WDR89: variants seen among roughly 807,000 people sequenced by gnomAD.
WDR89 encodes the protein WD repeat domain 89, also known as WD repeat-containing protein 89.
In WDR89, 17 loss-of-function variants were observed where a neutral mutation model predicts 29.1. The ratio of observed to expected loss-of-function variants is 0.58; its 90% confidence interval spans 0.40 to 0.88. The LOEUF is 0.88. Ranked by LOEUF, WDR89 falls within the 40% of genes least tolerant of loss-of-function variation. The probability of loss-of-function intolerance (pLI) is 0.00; values close to 1 mark genes in which losing one functional copy is unlikely to be tolerated. For missense variants in WDR89, 396 were observed against 456.3 expected, an observed-to-expected ratio of 0.87 and a Z score of 1.20; for synonymous variants, 138 against 157.8, an observed-to-expected ratio of 0.87 and a Z score of 0.94.
intron 2 of WDR89, among the ~76,000 whole-genome samples, chr14:63,608,104 G>A (rs1023948964): frequency 5.3e-5 from 8 of 152,154 alleles, no homozygotes; most frequent in African/African-American, 1.9e-4. Flanking sequence ...TACTCGGGAG[G>A]CTGAGGCAGA....
chr14:63,630,911 G>A (rs1883358414), intron 1 of WDR89: 3 of 151,938 alleles, frequency 2.0e-5, no homozygotes. Context: ...GAGTACCTGG[G>A]ACTACAGGTG....
rs1226820529 is a variant in WDR89 at position 63,627,146 on chromosome 14, A to ACTCTCTCTCT, written c.-137-2114_-137-2113insAGAGAGAGAG. ...TAAACACACACACACACACACACACACACACTCTCTCTCTCTCTCTCTCTC... is the reference window on the plus strand; with the variant it reads ...TAAACACACACACACACACACACACACTCTCTCTCTCACACTCTCTCTCTCTCTCTCTCTC... On this transcript the variant is annotated intron_variant, in intron 1 of 2. Transcript: ENST00000620954. Among the ~76,000 whole-genome samples the ACTCTCTCTCT allele has an allele frequency of 6.7e-4, 88 of 130,560 alleles. 1 individual carries two copies. Among genetic ancestry groups the ACTCTCTCTCT allele is most frequent in the African/African-American group, 2.6e-3 (85 of 32,566 alleles). 85.7% of individuals were successfully genotyped at this position (130,560 alleles called of 152,430 possible).
intron 2 of WDR89, among the ~76,000 whole-genome samples, chr14:63,624,236 G>A (rs988879578): frequency 1.1e-4 from 16 of 152,062 alleles, no homozygotes; most frequent in Admixed American, 9.8e-4. Flanking sequence ...GGGAGGCCTG[G>A]GAGGTGGATG....
At chr14:63,635,563 G>A (rs1050379294) in intron 1 of WDR89, among the ~76,000 whole-genome samples, 14 of 152,112 alleles carry the variant, frequency 9.2e-5, no homozygotes, top group African/African-American at 3.4e-4. Context: ...TCTGAGAACT[G>A]GAACAAGACA....
intron 2 of WDR89, among the ~76,000 whole-genome samples, chr14:63,612,848 T>A (rs1228309024): frequency 6.6e-6 from 1 of 152,120 alleles, no homozygotes; most frequent in African/African-American, 2.4e-5. Context: ...TATTTTCTAA[T>A]GTCTCCAGGC....
rs1468598295 is a variant in WDR89 at position 63,598,792 on chromosome 14, C to T, written c.1151G>A (p.Arg384Lys). The T allele has an allele frequency of 7.6e-6, 12 of 1,579,296 alleles. No individual in the cohort carries two copies. The Admixed American group carries it at 1.5e-4, about 20-fold the overall frequency. ...RVHSNDSYKR[R>K]KKQ ...CCAAATGCATTATCACTGCTTTTTC[C>T]TTCTTTTATAAGAATCATTACTATG... Residue 384 changes from arginine to lysine, a missense_variant, in exon 3 of 3, where the codon AGG (arginine) becomes AAG (lysine). Coordinates refer to ENST00000620954, the MANE Select transcript of WDR89 (RefSeq NM_080666.4).
chr14:63,604,379 C>T (rs1426559099), intron 2 of WDR89, among the ~76,000 whole-genome samples: 1 of 152,092 alleles, frequency 6.6e-6, no homozygotes, highest in Non-Finnish European at 1.5e-5. Flanking sequence ...TGCCACTGCA[C>T]TCCAGCCAGG....
chr14:63,636,959 G>C (rs1323868847), intron 1 of WDR89, among the ~76,000 whole-genome samples: 1 of 152,158 alleles, frequency 6.6e-6, no homozygotes, highest in African/African-American at 2.4e-5. Flanking sequence ...AAAAGGAATT[G>C]TCAACAGAGT....
chr14:63,629,286 T>C (rs1883254466), intron 1 of WDR89, among the ~76,000 whole-genome samples: 1 of 152,238 alleles, frequency 6.6e-6, no homozygotes, highest in African/African-American at 2.4e-5. Flanking sequence ...AAGTCTTTAG[T>C]ATAATCACTT....
rs1044278243 is a variant in WDR89, at chr14:63,641,783, GC to G, written c.-138+20del. 4 of 152,528 alleles carry G rather than the reference GC, an allele frequency of 2.6e-5. No individual in the cohort carries two copies. The highest frequency in any genetic ancestry group is 9.6e-5 in the African/African-American group (4 of 41,466). 9.4% of individuals were successfully genotyped at this position (152,528 alleles called of 1,614,324 possible). On this transcript the variant is annotated intron_variant, in intron 1 of 2. Transcript: ENST00000620954. ...GCTGCCCATCCCGGGGACCCGCCCAGCCTGGCCCAGCAAAATGTACCTTAGT... is the reference window on the plus strand; with the variant it reads ...GCTGCCCATCCCGGGGACCCGCCCAGCTGGCCCAGCAAAATGTACCTTAGT...
chr14:63,620,913 A>C (rs1054373141), intron 2 of WDR89, among the ~76,000 whole-genome samples: 3 of 141,306 alleles, frequency 2.1e-5, no homozygotes, highest in Non-Finnish European at 4.4e-5. Context: ...AAAAAAAAAA[A>C]ATTGCCAAGA....
In WDR89 at chr14:63,597,334, G is replaced by C. The variant is rs1030881253; in HGVS notation, c.*1445C>G. The C allele has an allele frequency of 6.6e-6, 1 of 152,194 alleles. No homozygotes were observed. Among genetic ancestry groups the C allele is most frequent in the African/African-American group, 2.4e-5 (1 of 41,458 alleles). 9.4% of individuals were successfully genotyped at this position (152,194 alleles called of 1,614,324 possible). On this transcript the variant is annotated 3_prime_UTR_variant, in exon 3 of 3. Transcript: ENST00000620954. ...GATTATGGGGATTACAATTCGAGATGAAATTTGGGTGAGGACACAGACAAA... is the reference window on the plus strand; with the variant it reads ...GATTATGGGGATTACAATTCGAGATCAAATTTGGGTGAGGACACAGACAAA...
At chr14:63,602,588 C>G (rs539015001) in intron 2 of WDR89, among the ~76,000 whole-genome samples, 3 of 150,224 alleles carry the variant, frequency 2.0e-5, no homozygotes, top group Non-Finnish European at 4.4e-5. Context: ...GTCTGACCGA[C>G]ATGGAAAAAC....
rs1307738382 is a variant in WDR89, at chr14:63,599,450, A to T, written c.493T>A (p.Tyr165Asn). 15 of 1,614,094 alleles carry T rather than the reference A, an allele frequency of 9.3e-6. No individual in the cohort carries two copies. Among genetic ancestry groups the T allele is most frequent in the African/African-American group, 1.3e-5 (1 of 74,952 alleles). The change falls in exon 3 of 3, where the codon TAT (tyrosine) becomes AAT (asparagine). Residue 165 changes from tyrosine (Y) to asparagine (N), a missense_variant. Tyr to Asn is a moderately radical substitution (Grantham distance 143). Transcript: ENST00000620954. ...LSTTKDSLGA[Y>N]SETHSDDVTQ... The stretch of plus-strand genomic sequence containing the variant: ...ACATCATCACTATGTGTCTCTGAAT[A>T]TGCACCAAGTGAGTCTTTAGTTGTA...
chr14:63,609,828 C>CA (rs1881839184), intron 2 of WDR89, among the ~76,000 whole-genome samples: 1 of 151,638 alleles, frequency 6.6e-6, no homozygotes, highest in Admixed American at 6.6e-5. Flanking sequence ...AAAACAAAAC[C>CA]AAAAAAGCAT....
chr14:63,627,529 CTG>C (rs1883149650), intron 1 of WDR89, among the ~76,000 whole-genome samples: 1 of 152,126 alleles, frequency 6.6e-6, no homozygotes, highest in South Asian at 2.1e-4. Flanking sequence ...CATTATATAA[CTG>C]TTTCACCACC....
At chr14:63,600,027 CAT>C (rs1595013567) in intron 2 of WDR89, 54 bp from the exon 3 acceptor site, 4 of 1,113,468 alleles carry the variant, frequency 3.6e-6, no homozygotes, top group South Asian at 3.1e-5. Context: ...AAGGGAGACA[CAT>C]AAAAAAATTT....
chr14:63,637,275 T>C (rs1029434957), intron 1 of WDR89, among the ~76,000 whole-genome samples: 6 of 152,210 alleles, frequency 3.9e-5, no homozygotes, highest in African/African-American at 1.2e-4. Context: ...GATGCTGGCG[T>C]GGATGTGGTA....
At chr14:63,620,372 T>C (rs1221050900) in intron 2 of WDR89, among the ~76,000 whole-genome samples, 1 of 152,188 alleles carries the variant, frequency 6.6e-6, no homozygotes. Context: ...TAGATGTGTG[T>C]ATATATACAA....
Sources: gnomAD v4.1 joint callset for allele counts (sites outside exome capture counted in the v4.1 genomes callset) on GRCh38, gnomAD v4.1.1 for gene constraint, MANE v1.5 for transcripts, NCBI Gene and HGNC (gene_info 2026-07-23, HGNC 2026-07-21) for gene names.